Variants in FNBP1 observed in about 807,000 individuals in gnomAD.
FNBP1 encodes the protein formin-binding protein 1.
In FNBP1, 26 loss-of-function variants were observed where a neutral mutation model predicts 90.6. That is an observed-to-expected ratio of 0.29 (90% CI 0.21 to 0.40). The LOEUF (loss-of-function observed/expected upper bound fraction) is 0.40. Among genes scored for constraint, FNBP1 ranks in the 10% least tolerant of loss-of-function variants. The pLI is 1.00. For missense variants in FNBP1, 635 were observed against 768.0 expected (o/e 0.83, Z 2.05); for synonymous variants, 260 against 265.2 (o/e 0.98, Z 0.19).
At position 129,890,319 on chromosome 9, in the gene FNBP1, G is replaced by A. The variant is rs2034984242; in HGVS notation, c.*220C>T. 2.5e-5 allele frequency: 15 copies of A among 595,952 alleles called. No homozygotes were observed. In the East Asian group the frequency reaches 4.2e-4, roughly 17 times the overall value. The allele number at this position is 595,952 out of a possible 1,614,324, so 36.9% of individuals were successfully genotyped here. A position where few individuals can be genotyped will look rare whatever the true frequency, so the allele number is the denominator to read the frequency against. Reference sequence around the variant, plus strand: ...AGCGATGAGGACTGACCCGAGCCATGGGGGTGGGCGCTGGCGAGACTTGTC... The same window carrying A: ...AGCGATGAGGACTGACCCGAGCCATAGGGGTGGGCGCTGGCGAGACTTGTC... On this transcript the variant is annotated 3_prime_UTR_variant, in exon 17 of 17. Coordinates refer to ENST00000446176, the MANE Select transcript of FNBP1 (RefSeq NM_015033.3). The surrounding 1 kb of genome is among the most constrained non-coding windows in gnomAD (Gnocchi z 5.8).
chr9:130,036,222 C>G (rs945891586), intron 1 of FNBP1, among the ~76,000 whole-genome samples: 1 of 152,006 alleles, frequency 6.6e-6, no homozygotes, highest in African/African-American at 2.4e-5. Flanking sequence ...CAAAATAAAG[C>G]CTTATTTTTA....
At chr9:130,048,505 T>TTTTTTTTTTA in the FNBP1 span, among the ~76,000 whole-genome samples, 13 of 146,664 alleles carry the variant, frequency 8.9e-5, no homozygotes, top group South Asian at 2.2e-4. Flanking sequence ...TTTTTTTTTT[T>TTTTTTTTTTA]GAGACGGAGT....
At chr9:130,020,740 C>T (rs633661) in intron 1 of FNBP1, among the ~76,000 whole-genome samples, 151,948 of 152,352 alleles carry the variant, frequency 1, 75,775 homozygotes, top group Non-Finnish European at 1. Flanking sequence ...AAGTTTCTTG[C>T]ACTGTGCTCT....
At chr9:130,009,005 T>A (rs983418690) in intron 1 of FNBP1, among the ~76,000 whole-genome samples, 1 of 152,186 alleles carries the variant, frequency 6.6e-6, no homozygotes. Context: ...ACAAGCTAAA[T>A]TATTAATGAG....
At chr9:129,916,627 CA>C (rs932208320) in intron 10 of FNBP1, among the ~76,000 whole-genome samples, 17 of 141,352 alleles carry the variant, frequency 1.2e-4, no homozygotes, top group Non-Finnish European at 2.0e-4. Flanking sequence ...AAAAAAAAAA[CA>C]AAAAAAAAAG....
chr9:129,965,702 G>GCA (rs1554821653), intron 4 of FNBP1, among the ~76,000 whole-genome samples: 142 of 107,408 alleles, frequency 1.3e-3, no homozygotes, highest in African/African-American at 4.5e-3. Context: ...ACACACGCGC[G>GCA]CGCGCGCACA....
At chr9:129,918,814 A>T (rs2040644735) in intron 10 of FNBP1, among the ~76,000 whole-genome samples, 1 of 151,880 alleles carries the variant, frequency 6.6e-6, no homozygotes, top group African/African-American at 2.4e-5. Context: ...ACCCAATGAC[A>T]TCTCAGACGG....
intron 4 of FNBP1, 100 bp from the exon 5 acceptor site, chr9:129,958,653 A>T: frequency 1.1e-6 from 1 of 935,476 alleles, no homozygotes; most frequent in South Asian, 1.5e-5. Context: ...TAAATATTGA[A>T]CCTCTAGTAT....
chr9:130,048,185 G>A (rs1473529732), upstream of FNBP1, among the ~76,000 whole-genome samples: 2 of 151,504 alleles, frequency 1.3e-5, no homozygotes, highest in Admixed American at 1.3e-4. Context: ...AGGTGTGGTG[G>A]TGTGCCTGTA....
intron 6 of FNBP1, among the ~76,000 whole-genome samples, chr9:129,934,718 C>A (rs1294229077): frequency 1.3e-5 from 2 of 152,002 alleles, no homozygotes; most frequent in African/African-American, 4.8e-5. Flanking sequence ...ATTACAGGCA[C>A]CCGCCACCAC....
chr9:130,043,756 C>T (rs1589462875), upstream of FNBP1, among the ~76,000 whole-genome samples: 1 of 152,198 alleles, frequency 6.6e-6, no homozygotes, highest in Non-Finnish European at 1.5e-5. Flanking sequence ...GGGGCGTGCA[C>T]CCAGTGATTT....
At chr9:130,045,529 C>A (rs888069885), upstream of FNBP1, among the ~76,000 whole-genome samples, 1 of 152,004 alleles carries the variant, frequency 6.6e-6, no homozygotes, top group Admixed American at 6.6e-5. Context: ...GAGGAAGGGA[C>A]AGCAGAAGAA....
chr9:129,999,761 GTTT>G (rs1438403012), intron 1 of FNBP1, among the ~76,000 whole-genome samples: 1 of 152,090 alleles, frequency 6.6e-6, no homozygotes, highest in Non-Finnish European at 1.5e-5. Context: ...GAAAGAGCAT[GTTT>G]TTATTTTTTA....
intron 1 of FNBP1, among the ~76,000 whole-genome samples, chr9:130,002,517 C>G (rs552788558): frequency 3.4e-4 from 52 of 152,270 alleles, no homozygotes; most frequent in African/African-American, 1.2e-3. Context: ...GCACCTCCCC[C>G]CTCTCTATTG....
intron 4 of FNBP1, among the ~76,000 whole-genome samples, chr9:129,971,399 G>A (rs1428815031): frequency 6.6e-6 from 1 of 150,616 alleles, no homozygotes; most frequent in African/African-American, 2.4e-5. Flanking sequence ...TTTGTTTTTT[G>A]TTTTTTTTTA....
chr9:129,924,080 C>T, intron 9 of FNBP1, 54 bp from the exon 10 acceptor site: 1 of 1,465,840 alleles, frequency 6.8e-7, no homozygotes, highest in Non-Finnish European at 9.0e-7. Context: ...CAAGAAGACA[C>T]AAAACAAAAA....
intron 8 of FNBP1, among the ~76,000 whole-genome samples, chr9:129,926,850 C>T (rs1056834003): frequency 1.3e-5 from 2 of 149,444 alleles, no homozygotes; most frequent in Admixed American, 6.7e-5. Flanking sequence ...CACGCCACTG[C>T]ACTGCAGCCT....
At chr9:129,993,931 A>G (rs2053605520) in intron 2 of FNBP1, among the ~76,000 whole-genome samples, 1 of 152,118 alleles carries the variant, frequency 6.6e-6, no homozygotes, top group Admixed American at 6.6e-5. Context: ...GGCCCGAAGT[A>G]CTTTTAAAAT....
chr9:129,969,778 A>G (rs1256965389), intron 4 of FNBP1, among the ~76,000 whole-genome samples: 1 of 152,018 alleles, frequency 6.6e-6, no homozygotes, highest in Non-Finnish European at 1.5e-5. Flanking sequence ...TTTTAAATCT[A>G]AAAACAAAAA....
Sources: gnomAD v4.1 joint callset for allele counts (sites outside exome capture counted in the v4.1 genomes callset) on GRCh38, gnomAD v4.1.1 for gene constraint, Gnocchi (gnomAD v3.1) non-coding constraint, MANE v1.5 for transcripts, NCBI Gene and HGNC (gene_info 2026-07-23, HGNC 2026-07-21) for gene names.